The following MOB3A variants were observed in gnomAD, a reference collection of about 807,000 sequenced individuals.
The protein encoded by MOB3A is MOB LAK.
In MOB3A, 17 loss-of-function variants were observed where a neutral mutation model predicts 17.8. That is an observed-to-expected ratio of 0.95 (90% confidence interval 0.65 to 1.43). The LOEUF is 1.43. Among genes scored for constraint, MOB3A ranks in the 40% most tolerant of loss-of-function variants. MOB3A has a pLI of 0.00. For synonymous variants in MOB3A, 124 were observed against 133.2 expected (o/e 0.93, Z 0.48); for missense variants, 333 against 310.8 (o/e 1.07, Z -0.54).
At chr19:2,074,599 C>G (rs905506164) in intron 4 of MOB3A, among the ~76,000 whole-genome samples, 7 of 151,604 alleles carry the variant, frequency 4.6e-5, no homozygotes, top group African/African-American at 7.3e-5. Context: ...GTCATTCAGG[C>G]TGGAGAGCTG....
chr19:2,096,345 C>T (rs1331969540), upstream of MOB3A: 1 of 155,742 alleles, frequency 6.4e-6, no homozygotes, highest in African/African-American at 2.4e-5. Context: ...GAACGCCCCA[C>T]ACGCATGCCC....
intron 4 of MOB3A, among the ~76,000 whole-genome samples, chr19:2,074,572 A>AGACG (rs987803386): frequency 6.7e-6 from 1 of 149,928 alleles, no homozygotes; most frequent in African/African-American, 2.4e-5. Context: ...TTTTTTTTTG[A>AGACG]GACGGAGTTT....
At position 2,071,847 on chromosome 19, in the gene MOB3A, A is replaced by G. The variant is rs576881348; in HGVS notation, c.*1548T>C. ...TGGGTTGATCATAAGCAAAGTGGAC[A>G]TCGTTCCGAAGAGGCAGAGAGCTCA... On this transcript the variant is annotated 3_prime_UTR_variant, in exon 5 of 5. Transcript: ENST00000357066. The G allele has an allele frequency of 6.5e-6, 1 of 152,718 alleles. No individual in the cohort carries two copies. The allele number at this position is 152,718 out of a possible 1,614,324, so 9.5% of individuals were successfully genotyped here.
At chr19:2,091,270 A>T (rs1384065509) in intron 1 of MOB3A, among the ~76,000 whole-genome samples, 1 of 152,196 alleles carries the variant, frequency 6.6e-6, no homozygotes, top group Non-Finnish European at 1.5e-5. Context: ...TGTGTAACCC[A>T]GGACGGCCCG....
chr19:2,078,949 G>A (rs993939421), intron 2 of MOB3A, among the ~76,000 whole-genome samples: 1 of 152,108 alleles, frequency 6.6e-6, no homozygotes, highest in Non-Finnish European at 1.5e-5. Flanking sequence ...TAGTAGAAAC[G>A]AGGTCTCACT....
rs141042584 is a variant in MOB3A, at chr19:2,076,975, T to G, written c.460A>C (p.Lys154Gln). The G allele has an allele frequency of 7.0e-3, 11,265 of 1,613,820 alleles. 62 individuals carry two copies. The highest frequency in any genetic ancestry group is 8.6e-3 in the Non-Finnish European group (10,149 of 1,179,994). Residue 154 changes from lysine to glutamine, a missense_variant, in exon 4 of 5, where the codon AAG becomes CAG. Coordinates refer to ENST00000357066, the MANE Select transcript of MOB3A (RefSeq NM_130807.3). ...FPKNFLQTVR[K>Q]ILSRLFRVFV... ...ACGCGGAACAGCCGCGACAGGATCT[T>G]CCGCACCGTCTGCAGGAAGTTCTTG...
chr19:2,088,203 T>C (rs1047547645), intron 1 of MOB3A, among the ~76,000 whole-genome samples: 1 of 152,170 alleles, frequency 6.6e-6, no homozygotes, highest in Admixed American at 6.5e-5. Flanking sequence ...GTGCCCAGGA[T>C]ACCCCACCCC....
At chr19:2,086,236 C>T (rs923721734) in intron 1 of MOB3A, among the ~76,000 whole-genome samples, 5 of 151,988 alleles carry the variant, frequency 3.3e-5, no homozygotes, top group Admixed American at 2.0e-4. Context: ...GGTGGGGTTT[C>T]GCCATGTTGG....
chr19:2,084,754 C>A (rs557044774), intron 2 of MOB3A, among the ~76,000 whole-genome samples: 129 of 152,098 alleles, frequency 8.5e-4, no homozygotes, highest in Non-Finnish European at 1.0e-4. Context: ...CCACACCCAG[C>A]TAATTTTTGT....
intron 2 of MOB3A, chr19:2,084,330 T>C: frequency 3.0e-6 from 1 of 337,758 alleles, no homozygotes; most frequent in Admixed American, 4.0e-5. Flanking sequence ...CTATCTCCAC[T>C]AAAAATACAA....
At chr19:2,077,281 A>G (rs1242310976) in intron 3 of MOB3A, among the ~76,000 whole-genome samples, 1 of 152,076 alleles carries the variant, frequency 6.6e-6, no homozygotes, top group Admixed American at 6.6e-5. Flanking sequence ...TCATGCCTGT[A>G]ATCCCAGCTA....
intron 2 of MOB3A, among the ~76,000 whole-genome samples, chr19:2,081,575 G>A (rs577188377): frequency 6.1e-5 from 9 of 146,526 alleles, no homozygotes; most frequent in South Asian, 2.2e-4. Flanking sequence ...GCGACAGAGC[G>A]AGATTCTGCT....
At chr19:2,085,106 G>C (rs542696128) in intron 2 of MOB3A, 69 bp downstream of exon 2, 1 of 152,260 alleles carries the variant, frequency 6.6e-6, no homozygotes, top group South Asian at 2.1e-4. Flanking sequence ...CTTTTCCAAA[G>C]AAAGGCCGGG....
At chr19:2,081,495 G>A (rs1183590564) in intron 2 of MOB3A, among the ~76,000 whole-genome samples, 1 of 152,106 alleles carries the variant, frequency 6.6e-6, no homozygotes, top group Non-Finnish European at 1.5e-5. Flanking sequence ...GGCTGAGGCA[G>A]GAGAATCGCT....
chr19:2,089,675 G>A (rs995139572), intron 1 of MOB3A, among the ~76,000 whole-genome samples: 2 of 152,170 alleles, frequency 1.3e-5, no homozygotes, highest in African/African-American at 4.8e-5. Flanking sequence ...GAGGGGGAGA[G>A]GAAGAGAATC....
In MOB3A at chr19:2,076,835, G is replaced by A. The variant is rs754681414; in HGVS notation, c.600C>T (p.Ile200=). 1.9e-6 allele frequency: 3 copies of A among 1,613,904 alleles called. No individual in the cohort carries two copies. Among genetic ancestry groups the A allele is most frequent in the South Asian group, 1.1e-5 (1 of 91,080 alleles). ...CCAGTGGCTCCAGCTCCTTGGTGTC[G>A]ATGAGGCCGAACTCCTTGACGAAAT... ...FYYFVKEFGL[I]DTKELEPLKE... Residue 200 remains isoleucine, a synonymous_variant, in exon 4 of 5, where the codon ATC becomes ATT. Coordinates refer to ENST00000357066, the MANE Select transcript of MOB3A (RefSeq NM_130807.3).
At chr19:2,087,896 C>T (rs1335335369) in intron 1 of MOB3A, among the ~76,000 whole-genome samples, 2 of 152,210 alleles carry the variant, frequency 1.3e-5, no homozygotes, top group African/African-American at 2.4e-5. Context: ...TGGGCACCAC[C>T]GACTTGGCAC....
chr19:2,080,620 G>A (rs1313190515), intron 2 of MOB3A, among the ~76,000 whole-genome samples: 3 of 152,094 alleles, frequency 2.0e-5, no homozygotes, highest in Admixed American at 6.6e-5. Context: ...CATCTGATCC[G>A]CCCACCTTGG....
intron 4 of MOB3A, among the ~76,000 whole-genome samples, chr19:2,075,858 CCTGT>C (rs1417208467): frequency 2.0e-5 from 3 of 152,098 alleles, no homozygotes; most frequent in African/African-American, 7.2e-5. Context: ...TGCGGTGGCT[CCTGT>C]CTGTCATTCC....
Sources: allele counts gnomAD v4.1 joint callset (sites outside exome capture counted in the v4.1 genomes callset), GRCh38; gene constraint gnomAD v4.1.1; transcripts MANE v1.5; gene names NCBI Gene and HGNC (gene_info 2026-07-23, HGNC 2026-07-21).